SAMD11: variants seen among roughly 807,000 people sequenced by gnomAD.
SAMD11 encodes sterile alpha motif domain-containing protein 11.
Under a neutral mutation model 64.4 loss-of-function variants are expected in SAMD11, and 77 were observed. The ratio of observed to expected loss-of-function variants is 1.20; its 90% CI spans 0.99 to 1.44. The LOEUF is 1.44. Among genes scored for constraint, SAMD11 ranks in the 40% most tolerant of loss-of-function variants. The probability of loss-of-function intolerance (pLI) is 0.00; values close to 1 mark genes in which losing one functional copy is unlikely to be tolerated. For synonymous variants in SAMD11, 658 were observed against 421.9 expected (o/e 1.56, Z -6.86); for missense variants, 1,402 against 943.3 (o/e 1.49, Z -6.37).
intron 7 of SAMD11, chr1:940,435 C>CCGGGG (rs1641694579): frequency 6.6e-6 from 1 of 152,012 alleles, no homozygotes; most frequent in Non-Finnish European, 1.5e-5. Context: ...GGCACCCGGC[C>CCGGGG]CGGGGCGGGA....
In SAMD11 at chr1:942,487, C is replaced by G. The variant is rs367769858; in HGVS notation, c.1552C>G (p.Arg518Gly). The change falls in exon 10 of 14, where the codon CGG becomes GGG. Residue 518 changes from arginine (R) to glycine (G), a missense_variant and splice_region_variant. Physicochemically the swap from Arg to Gly is moderately radical, Grantham distance 125. Transcript: ENST00000616016. ...GCTCCTGCGGAAGCAGAACCTGGCC[C>G]GGTAGGTGCGGGGAGGCGGGCGGGG... is the stretch of plus-strand genomic sequence containing the variant. Reference protein sequence around the residue: ...QELLRKQNLARLELPADLLRQ... With the variant: ...QELLRKQNLAGLELPADLLRQ... 4 of 1,480,690 alleles carry G rather than the reference C, an allele frequency of 2.7e-6. No homozygotes were observed. Among genetic ancestry groups the G allele is most frequent in the South Asian group, 1.3e-5 (1 of 78,150 alleles). The allele number at this position is 1,480,690 out of a possible 1,614,324, so 91.7% of individuals were successfully genotyped here. A position where few individuals can be genotyped will look rare whatever the true frequency, so the allele number is the denominator to read the frequency against.
rs567518523 is a variant in SAMD11, at chr1:944,472, C to G, written c.*319C>G. 5.7e-6 allele frequency: 4 copies of G among 701,496 alleles called. No homozygotes were observed. In the African/African-American group the frequency reaches 7.4e-5, roughly 13 times the overall value. The allele number at this position is 701,496 out of a possible 1,614,324, so 43.5% of individuals were successfully genotyped here. ...GTCAGCTCCCCCGCGGAGCTGACTT[C>G]AGCAGCCCACAGCTGTGGGGCTTCA... On this transcript the variant is annotated 3_prime_UTR_variant, in exon 14 of 14. Transcript: ENST00000616016.
At chr1:937,396 G>GC (rs5772023) in intron 5 of SAMD11, among the ~76,000 whole-genome samples, 1,870 of 134,568 alleles carry the variant, frequency 0.014, 22 homozygotes, top group African/African-American at 0.026. Flanking sequence ...CCTTCCACCT[G>GC]CCCCCCCCCC....
intron 4 of SAMD11, among the ~76,000 whole-genome samples, chr1:932,377 C>G (rs1474678280): frequency 6.6e-6 from 1 of 152,146 alleles, no homozygotes; most frequent in African/African-American, 2.4e-5. Flanking sequence ...CTGGGGTGCC[C>G]TAGGAAGAGG....
At chr1:925,379 A>AGCG (rs1207049652) in intron 1 of SAMD11, among the ~76,000 whole-genome samples, 1 of 145,286 alleles carries the variant, frequency 6.9e-6, no homozygotes, top group Non-Finnish European at 1.5e-5. Context: ...GCGGAGCCCG[A>AGCG]GCGGCGGCGC....
intron 4 of SAMD11, among the ~76,000 whole-genome samples, chr1:935,263 C>A (rs1214062664): frequency 6.6e-6 from 1 of 152,136 alleles, no homozygotes; most frequent in Non-Finnish European, 1.5e-5. Context: ...CTGCCGGTGC[C>A]GTGTGTGCGT....
intron 7 of SAMD11, chr1:940,354 C>T (rs1008016845): frequency 6.7e-6 from 1 of 148,726 alleles, no homozygotes; most frequent in Non-Finnish European, 1.5e-5. Flanking sequence ...ACTAACCCGG[C>T]CGCTAGCGCG....
At chr1:927,313 T>C (rs2100294560) in intron 2 of SAMD11, among the ~76,000 whole-genome samples, 1 of 152,280 alleles carries the variant, frequency 6.6e-6, no homozygotes, top group East Asian at 1.9e-4. Flanking sequence ...GGTCTCTGTT[T>C]GGATTTGAGC....
chr1:943,108 G>T, intron 11 of SAMD11, 50 bp downstream of exon 11: 1 of 1,553,522 alleles, frequency 6.4e-7, no homozygotes. Context: ...GGACTGGCAG[G>T]CCGCCTGTGG....
intron 6 of SAMD11, 29 bp from the exon 7 acceptor site, chr1:939,246 A>C: frequency 1.3e-6 from 2 of 1,570,560 alleles, no homozygotes; most frequent in Non-Finnish European, 1.7e-6. Context: ...TGCCTGGAGA[A>C]ACCTCTCACC....
chr1:942,780 G>A lies in SAMD11; in HGVS notation c.1775G>A (p.Arg592Gln). The A allele has an allele frequency of 1.3e-6, 2 of 1,536,390 alleles. No homozygotes were observed. The highest frequency in any genetic ancestry group is 1.8e-6 in the Non-Finnish European group (2 of 1,142,732). Residue 592 changes from arginine to glutamine, a missense_variant, in exon 11 of 14, where the codon CGG becomes CAG. Physicochemically the swap from Arg to Gln is conservative, Grantham distance 43. Coordinates refer to ENST00000616016, the MANE Select transcript of SAMD11 (RefSeq NM_001385641.1). ...GPPTPSRDSA[R>Q]RAPRKGGPGP... The stretch of plus-strand genomic sequence containing the variant: ...CCCACCCCGTCCCGGGACTCTGCCC[G>A]GCGAGCCCCCCGGAAGGGGGGTCCC...
Position 931,233 on chromosome 1 carries a change from C to T in SAMD11, c.842+144C>T, listed in dbSNP as rs560788358. On this transcript the variant is annotated intron_variant, in intron 4 of 13. Transcript: ENST00000616016. ...CTGGCTGAGTGTCTGCCAGGTTTGA[C>T]ATGTGCTGCAAGGTTGTCCCCCATC... is the stretch of plus-strand genomic sequence containing the variant. 5.5e-5 allele frequency: 45 copies of T among 818,338 alleles called. 1 individual carries two copies. The South Asian group carries it at 6.8e-4, about 12-fold the overall frequency. 50.7% of individuals were successfully genotyped at this position (818,338 alleles called of 1,614,324 possible).
chr1:939,249 C>T (rs1641618991), intron 6 of SAMD11, 26 bp from the exon 7 acceptor site: 10 of 1,572,690 alleles, frequency 6.4e-6, no homozygotes, highest in South Asian at 1.2e-5. Context: ...CTGGAGAAAC[C>T]TCTCACCCCG....
intron 2 of SAMD11, among the ~76,000 whole-genome samples, chr1:927,792 T>C (rs1300224116): frequency 6.6e-6 from 1 of 152,230 alleles, no homozygotes; most frequent in African/African-American, 2.4e-5. Flanking sequence ...CCGAGGTCTC[T>C]AGTGTGGAGG....
intron 12 of SAMD11, 105 bp downstream of exon 12, chr1:943,482 TC>T: frequency 9.5e-7 from 1 of 1,057,658 alleles, no homozygotes; most frequent in Non-Finnish European, 1.4e-6. Flanking sequence ...GCCCTCTCCC[TC>T]CCCAAAAGCA....
At chr1:938,149 G>A (rs1290670686) in intron 5 of SAMD11, among the ~76,000 whole-genome samples, 1 of 152,200 alleles carries the variant, frequency 6.6e-6, no homozygotes, top group African/African-American at 2.4e-5. Flanking sequence ...GGTCGGAGAT[G>A]GGTACATGGA....
At chr1:927,486 C>T (rs3892970) in intron 2 of SAMD11, among the ~76,000 whole-genome samples, 90,753 of 152,056 alleles carry the variant, frequency 0.6, 29,970 homozygotes, top group Non-Finnish European at 0.76. Flanking sequence ...GCGTGAGGGA[C>T]GGCTCAGATC....
At chr1:931,359 C>G (rs987402678) in intron 4 of SAMD11, among the ~76,000 whole-genome samples, 2 of 152,142 alleles carry the variant, frequency 1.3e-5, no homozygotes, top group African/African-American at 4.8e-5. Flanking sequence ...CTGGGCAGCC[C>G]GGCCCTGGAG....
rs1016563542 is a variant in SAMD11 at position 943,268 on chromosome 1, T to G, written c.2069T>G (p.Leu690Arg). The G allele has an allele frequency of 2.5e-6, 4 of 1,612,514 alleles. No individual in the cohort carries two copies. The African/African-American group carries it at 5.3e-5, about 22-fold the overall frequency. The change falls in exon 12 of 14, where the codon CTC (leucine) becomes CGC (arginine). Residue 690 changes from leucine (L) to arginine (R), a missense_variant. Leu to Arg is a moderately radical substitution (Grantham distance 102, BLOSUM62 -2). Transcript: ENST00000616016. ...PYFHTGAVGG[L>R]SMDGEEAPAP... The stretch of plus-strand genomic sequence containing the variant: ...CACAACTCAGGCGCGGTAGGGGGAC[T>G]CTCCATGGATGGGGAGGAGGCCCCA...
Sources: allele counts gnomAD v4.1 joint callset (sites outside exome capture counted in the v4.1 genomes callset), GRCh38; gene constraint gnomAD v4.1.1; transcripts MANE v1.5; gene names NCBI Gene and HGNC (gene_info 2026-07-23, HGNC 2026-07-21).